Variants in FARS2 observed in about 807,000 individuals in gnomAD.
FARS2 encodes the protein phenylalanyl-tRNA synthetase 2, mitochondrial, also known as phenylalanine--tRNA ligase, mitochondrial.
Under a neutral mutation model 46.4 loss-of-function variants are expected in FARS2, and 40 were observed. The ratio of observed to expected loss-of-function variants is 0.86; its 90% CI spans 0.67 to 1.12. FARS2 has a LOEUF of 1.12. Ranked by LOEUF, FARS2 falls within the 50% of genes most tolerant of loss-of-function variation. The pLI is 0.00. For synonymous variants in FARS2, 234 were observed against 214.9 expected, an observed-to-expected ratio of 1.09 and a Z score of -0.78; for missense variants, 513 against 567.9, an observed-to-expected ratio of 0.90 and a Z score of 0.98.
intron 5 of FARS2, among the ~76,000 whole-genome samples, chr6:5,584,366 C>T (rs1773503327): frequency 6.6e-6 from 1 of 152,070 alleles, no homozygotes. Context: ...TCTCCCCCAC[C>T]CCAGCACCCC....
chr6:5,644,987 C>T (rs1033986916), intron 6 of FARS2, among the ~76,000 whole-genome samples: 5 of 152,170 alleles, frequency 3.3e-5, no homozygotes, highest in Non-Finnish European at 5.9e-5. Flanking sequence ...GCCGACTCAG[C>T]ACTTATGATT....
intron 6 of FARS2, among the ~76,000 whole-genome samples, chr6:5,697,175 G>A (rs931476353): frequency 2.6e-5 from 4 of 151,882 alleles, no homozygotes; most frequent in South Asian, 2.1e-4. Flanking sequence ...TTTTTAACAG[G>A]CTACAAATTT....
intron 5 of FARS2, among the ~76,000 whole-genome samples, chr6:5,601,925 T>G (rs1458432080): frequency 6.6e-6 from 1 of 152,196 alleles, no homozygotes; most frequent in Non-Finnish European, 1.5e-5. Context: ...TGGCCATGGT[T>G]AGAAGCTGAC....
At chr6:5,684,778 A>G (rs549704349) in intron 6 of FARS2, among the ~76,000 whole-genome samples, 1 of 152,286 alleles carries the variant, frequency 6.6e-6, no homozygotes, top group African/African-American at 2.4e-5. Context: ...CTCAGCCATC[A>G]GATGTTTTTC....
chr6:5,601,415 T>C lies in FARS2; in HGVS notation c.1066-11754T>C, dbSNP rs187127847. On this transcript the variant is annotated intron_variant, in intron 5 of 6. Transcript: ENST00000274680. ...GGCGGGCGCCTGTAATCCCAGCTAC[T>C]CAGGAGCCTGAGGCAGGAGAATCAC... 3.1e-3 allele frequency among the ~76,000 whole-genome samples: 463 copies of C among 150,346 alleles called. 3 individuals are homozygous for C. Among genetic ancestry groups the C allele is most frequent in the African/African-American group, 0.011 (440 of 40,674 alleles).
chr6:5,421,542 T>G (rs1170751602), intron 3 of FARS2, among the ~76,000 whole-genome samples: 1 of 152,192 alleles, frequency 6.6e-6, no homozygotes, highest in Non-Finnish European at 1.5e-5. Context: ...TTTCCAAACT[T>G]TTATGCTCTG....
At chr6:5,400,706 G>C (rs1322252327) in intron 2 of FARS2, among the ~76,000 whole-genome samples, 1 of 151,252 alleles carries the variant, frequency 6.6e-6, no homozygotes, top group African/African-American at 2.4e-5. Context: ...TATGTTTTTA[G>C]GTCTTTTATC....
At position 5,304,090 on chromosome 6, in the gene FARS2, G is replaced by T. The variant is rs201981407; in HGVS notation, c.-22+42430G>T. Among the ~76,000 whole-genome samples the T allele has an allele frequency of 3.9e-5, 6 of 152,222 alleles. No homozygotes were observed. In the East Asian group the frequency reaches 1.2e-3, roughly 29 times the overall value. ...GCATGCATATCATTTTTAAATAAAAGATTATCTTTTAATTATAGAGGCATC... is the reference window on the plus strand; with the variant it reads ...GCATGCATATCATTTTTAAATAAAATATTATCTTTTAATTATAGAGGCATC... On this transcript the variant is annotated intron_variant, in intron 1 of 6. Transcript: ENST00000274680.
At chr6:5,656,643 C>T (rs1338337610) in intron 6 of FARS2, among the ~76,000 whole-genome samples, 2 of 151,986 alleles carry the variant, frequency 1.3e-5, no homozygotes, top group Admixed American at 1.3e-4. Context: ...CTCCGCCTCC[C>T]GGGTTCAAGA....
intron 6 of FARS2, among the ~76,000 whole-genome samples, chr6:5,631,676 C>G (rs1776300079): frequency 6.6e-6 from 1 of 152,170 alleles, no homozygotes; most frequent in Non-Finnish European, 1.5e-5. Context: ...GTGGCTGGAC[C>G]AAGTGGAGGT....
intron 4 of FARS2, among the ~76,000 whole-genome samples, chr6:5,469,231 A>G (rs148567505): frequency 1.4e-3 from 211 of 152,214 alleles, no homozygotes; most frequent in African/African-American, 4.7e-3. Flanking sequence ...TCATGCAGCT[A>G]TCATCACTCA....
At chr6:5,455,306 A>G (rs910907430) in intron 4 of FARS2, among the ~76,000 whole-genome samples, 2 of 152,232 alleles carry the variant, frequency 1.3e-5, no homozygotes, top group Non-Finnish European at 2.9e-5. Context: ...TTCAAAATAT[A>G]TACACTTTTA....
intron 6 of FARS2, among the ~76,000 whole-genome samples, chr6:5,699,132 C>T (rs1758271866): frequency 6.6e-6 from 1 of 152,196 alleles, no homozygotes; most frequent in Non-Finnish European, 1.5e-5. Context: ...ATAGCAACAG[C>T]CCCCTGTAGA....
At chr6:5,453,463 C>A (rs449981) in intron 4 of FARS2, among the ~76,000 whole-genome samples, 106,677 of 152,030 alleles carry the variant, frequency 0.7, 37,809 homozygotes, top group East Asian at 0.91. Context: ...TATTCTTGAC[C>A]GAGAAAACTG....
chr6:5,454,170 C>T (rs1764680818), intron 4 of FARS2, among the ~76,000 whole-genome samples: 1 of 142,734 alleles, frequency 7.0e-6, no homozygotes, highest in Non-Finnish European at 1.5e-5. Context: ...TTATCAGTGC[C>T]ATTTGGGGTT....
chr6:5,769,249 A>T (rs138226254), intron 6 of FARS2, among the ~76,000 whole-genome samples: 20 of 152,322 alleles, frequency 1.3e-4, no homozygotes, highest in African/African-American at 4.8e-4. Context: ...CCCCTTGGAT[A>T]GTCTTGGTGC....
chr6:5,586,420 A>C (rs1365361613), intron 5 of FARS2, among the ~76,000 whole-genome samples: 2 of 152,154 alleles, frequency 1.3e-5, no homozygotes, highest in East Asian at 1.9e-4. Context: ...CATGTTGTCA[A>C]ATCCTTTTTC....
chr6:5,456,749 G>A (rs867167625), intron 4 of FARS2, among the ~76,000 whole-genome samples: 2,149 of 61,474 alleles, frequency 0.035, 76 homozygotes, highest in African/African-American at 0.11. Flanking sequence ...AAAAAAAAAA[G>A]AGATGGGCAG....
At chr6:5,417,309 T>G (rs1295104937) in intron 3 of FARS2, among the ~76,000 whole-genome samples, 1 of 152,104 alleles carries the variant, frequency 6.6e-6, no homozygotes, top group Admixed American at 6.5e-5. Flanking sequence ...CTCCAAGTCC[T>G]GGGCTCAAAG....
Sources: allele counts gnomAD v4.1 joint callset (sites outside exome capture counted in the v4.1 genomes callset), GRCh38; gene constraint gnomAD v4.1.1; transcripts MANE v1.5; gene names NCBI Gene and HGNC (gene_info 2026-07-23, HGNC 2026-07-21).